ERICH6B: variants seen among roughly 807,000 people sequenced by gnomAD.
ERICH6B encodes glutamate-rich protein 6B.
In ERICH6B, 69 loss-of-function variants were observed where a neutral mutation model predicts 80.0. The ratio of observed to expected loss-of-function variants is 0.86; its 90% CI spans 0.71 to 1.05. The LOEUF (loss-of-function observed/expected upper bound fraction) is 1.05. Ranked by LOEUF, ERICH6B falls within the 50% of genes least tolerant of loss-of-function variation. ERICH6B has a pLI of 0.00. For synonymous variants in ERICH6B, 283 were observed against 291.9 expected, an observed-to-expected ratio of 0.97 and a Z score of 0.31; for missense variants, 754 against 796.1, an observed-to-expected ratio of 0.95 and a Z score of 0.64.
intron 2 of ERICH6B, among the ~76,000 whole-genome samples, chr13:45,602,854 C>T (rs1399385457): frequency 6.6e-6 from 1 of 152,192 alleles, no homozygotes; most frequent in East Asian, 1.9e-4. Context: ...TTGCAATTAC[C>T]TTCTATACCA....
At chr13:45,575,653 C>T (rs897826607) in intron 7 of ERICH6B, among the ~76,000 whole-genome samples, 1 of 152,168 alleles carries the variant, frequency 6.6e-6, no homozygotes. Flanking sequence ...AATTACTAAT[C>T]AGAGCATAAG....
intron 9 of ERICH6B, among the ~76,000 whole-genome samples, chr13:45,564,174 C>T (rs11618998): frequency 0.048 from 7,343 of 152,262 alleles, 248 homozygotes; most frequent in South Asian, 0.13. Flanking sequence ...CCCAGTGAAA[C>T]CCAGAACCAC....
intron 5 of ERICH6B, among the ~76,000 whole-genome samples, chr13:45,586,849 A>G (rs894913319): frequency 6.6e-6 from 1 of 152,100 alleles, no homozygotes; most frequent in African/African-American, 2.4e-5. Context: ...TCTTTCTCTG[A>G]GGGGGGTCTG....
intron 3 of ERICH6B, among the ~76,000 whole-genome samples, chr13:45,591,574 C>T (rs918463618): frequency 6.6e-5 from 10 of 151,848 alleles, no homozygotes; most frequent in South Asian, 2.1e-4. Flanking sequence ...CCAGCCTGGG[C>T]GACAGAGCAA....
intron 3 of ERICH6B, among the ~76,000 whole-genome samples, chr13:45,594,600 A>G (rs1348950544): frequency 1.3e-5 from 2 of 152,228 alleles, no homozygotes; most frequent in Non-Finnish European, 2.9e-5. Flanking sequence ...TACCTCTCCA[A>G]TGCAACAACT....
chr13:45,544,158 C>T (rs974778929), intron 14 of ERICH6B, among the ~76,000 whole-genome samples: 10 of 152,166 alleles, frequency 6.6e-5, no homozygotes, highest in Admixed American at 2.0e-4. Flanking sequence ...CTGCAACCTC[C>T]GTCTCCCTGG....
intron 7 of ERICH6B, among the ~76,000 whole-genome samples, chr13:45,576,893 A>G (rs1417787823): frequency 6.6e-6 from 1 of 152,204 alleles, no homozygotes; most frequent in African/African-American, 2.4e-5. Context: ...TGTAATAAGC[A>G]GTATCATAGC....
At chr13:45,582,225 C>A (rs950612878) in intron 5 of ERICH6B, among the ~76,000 whole-genome samples, 1 of 152,192 alleles carries the variant, frequency 6.6e-6, no homozygotes, top group Non-Finnish European at 1.5e-5. Context: ...TGTGGTGTCC[C>A]CCAAACTGAA....
At chr13:45,606,539 ATATATATATTTTTTT>A (rs1949865966) in intron 2 of ERICH6B, among the ~76,000 whole-genome samples, 17 of 11,438 alleles carry the variant, frequency 1.5e-3, no homozygotes, top group Admixed American at 5.4e-3. Context: ...ATATATATAT[ATATATATATTTTTTT>A]TTTTTTTTTT....
chr13:45,608,581 G>A, intron 1 of ERICH6B, among the ~76,000 whole-genome samples: 1 of 152,276 alleles, frequency 6.6e-6, no homozygotes, highest in East Asian at 1.9e-4. Flanking sequence ...ATTTTTGCAT[G>A]TTTTTTGTTA....
chr13:45,590,074 G>A (rs1029469163), intron 4 of ERICH6B, among the ~76,000 whole-genome samples: 5 of 152,034 alleles, frequency 3.3e-5, no homozygotes, highest in African/African-American at 1.2e-4. Flanking sequence ...TATCCTTTGG[G>A]GAGAAAGTGT....
rs182544395 is a variant in ERICH6B, at chr13:45,563,833, C to T, written c.1188-45G>A. The T allele has an allele frequency of 2.9e-3, 4,271 of 1,459,948 alleles. 7 individuals are homozygous for T. The highest frequency in any genetic ancestry group is 5.5e-3 in the Middle Eastern group (32 of 5,834). 90.4% of individuals were successfully genotyped at this position (1,459,948 alleles called of 1,614,324 possible). On this transcript the variant is annotated intron_variant, in intron 9 of 14. Transcript: ENST00000298738. ...TCTTTAGAAGCCAAGACTAAGTTCA[C>T]GCATACATGCCATCACACACAGTGC... is the stretch of plus-strand genomic sequence containing the variant.
intron 14 of ERICH6B, among the ~76,000 whole-genome samples, chr13:45,544,036 C>T (rs1364261065): frequency 1.3e-5 from 2 of 152,156 alleles, no homozygotes; most frequent in African/African-American, 2.4e-5. Flanking sequence ...GCTACAGGTG[C>T]GAGAGCCACC....
intron 3 of ERICH6B, among the ~76,000 whole-genome samples, chr13:45,595,769 A>G (rs1474123540): frequency 6.8e-6 from 1 of 147,468 alleles, no homozygotes; most frequent in Non-Finnish European, 1.5e-5. Context: ...CAGCCTCTTG[A>G]GTAGCTGGGA....
At chr13:45,594,671 T>C (rs1251725233) in intron 3 of ERICH6B, among the ~76,000 whole-genome samples, 2 of 152,142 alleles carry the variant, frequency 1.3e-5, no homozygotes, top group Non-Finnish European at 2.9e-5. Context: ...GAGAGGGACA[T>C]AAAGGTAAAA....
At chr13:45,584,499 G>A (rs1423442744) in intron 5 of ERICH6B, among the ~76,000 whole-genome samples, 1 of 152,192 alleles carries the variant, frequency 6.6e-6, no homozygotes, top group Non-Finnish European at 1.5e-5. Context: ...TTTGGAAGCG[G>A]GTGCCTTGAA....
chr13:45,562,965 T>A (rs1874752427), intron 10 of ERICH6B, among the ~76,000 whole-genome samples: 1 of 152,182 alleles, frequency 6.6e-6, no homozygotes, highest in South Asian at 2.1e-4. Context: ...GTGCTATGTC[T>A]CCCATGAATA....
intron 6 of ERICH6B, among the ~76,000 whole-genome samples, 165 bp downstream of exon 6, chr13:45,580,438 C>T (rs1159465100): frequency 1.3e-5 from 2 of 152,176 alleles, no homozygotes; most frequent in Non-Finnish European, 2.9e-5. Context: ...ACATTAAATT[C>T]CAGAAATAAT....
intron 11 of ERICH6B, among the ~76,000 whole-genome samples, chr13:45,558,251 G>A (rs1050845786): frequency 6.6e-6 from 1 of 152,162 alleles, no homozygotes; most frequent in Non-Finnish European, 1.5e-5. Flanking sequence ...CACTGTTGGT[G>A]TAGAGGAGAG....
Sources: gnomAD v4.1 joint callset for allele counts (sites outside exome capture counted in the v4.1 genomes callset) on GRCh38, gnomAD v4.1.1 for gene constraint, MANE v1.5 for transcripts, NCBI Gene and HGNC (gene_info 2026-07-23, HGNC 2026-07-21) for gene names.